CTTNBP2: variants seen among roughly 807,000 people sequenced by gnomAD.
CTTNBP2 encodes cortactin binding protein 2, also known as cortactin-binding protein 2.
Under a neutral mutation model 156.9 loss-of-function variants are expected in CTTNBP2, and 108 were observed. The observed-to-expected ratio is 0.69, with a 90% CI of 0.59 to 0.81. CTTNBP2 has a LOEUF of 0.81. CTTNBP2 is among the 30% of genes least tolerant of loss of function. The pLI is 0.00. For synonymous variants in CTTNBP2, 767 were observed against 751.8 expected, an observed-to-expected ratio of 1.02 and a Z score of -0.33; for missense variants, 1,924 against 2,035.4, an observed-to-expected ratio of 0.95 and a Z score of 1.05.
intron 2 of CTTNBP2, among the ~76,000 whole-genome samples, chr7:117,815,907 G>A (rs1800548127): frequency 6.6e-6 from 1 of 152,068 alleles, no homozygotes; most frequent in Non-Finnish European, 1.5e-5. Flanking sequence ...CTTTTAAGTG[G>A]GGGTACTTGT....
chr7:117,713,062 T>C lies in CTTNBP2; in HGVS notation c.4747-1280A>G, dbSNP rs543306051. ...ATAGTAGTACAAACCCTCTTGTGAATTGTGCAAGTGAGGGGTCTAGGTTGC... is the reference window on the plus strand; with the variant it reads ...ATAGTAGTACAAACCCTCTTGTGAACTGTGCAAGTGAGGGGTCTAGGTTGC... On this transcript the variant is annotated intron_variant, in intron 22 of 22. Transcript: ENST00000160373. 3.3e-5 allele frequency among the ~76,000 whole-genome samples: 5 copies of C among 152,270 alleles called. No homozygotes were observed. In the East Asian group the frequency reaches 5.8e-4, roughly 18 times the overall value.
intron 21 of CTTNBP2, among the ~76,000 whole-genome samples, 182 bp from the exon 22 acceptor site, chr7:117,718,301 A>ATGCATGAGAAACATCCTCT (rs1794574645): frequency 1.3e-5 from 2 of 152,202 alleles, no homozygotes; most frequent in Admixed American, 1.3e-4. Flanking sequence ...CTGACAGCAA[A>ATGCATGAGAAACATCCTCT]TGCATGAGAA....
intron 10 of CTTNBP2, among the ~76,000 whole-genome samples, chr7:117,759,417 T>C (rs942507736): frequency 1.3e-5 from 2 of 152,124 alleles, no homozygotes. Context: ...CAGCCAATAA[T>C]AGTAATTTTA....
intron 7 of CTTNBP2, among the ~76,000 whole-genome samples, chr7:117,779,567 G>A (rs1435518699): frequency 6.6e-6 from 1 of 151,736 alleles, no homozygotes; most frequent in Non-Finnish European, 1.5e-5. Context: ...ATTTTATACT[G>A]AATGTGTGTA....
chr7:117,852,056 C>T (rs939881194), intron 2 of CTTNBP2, among the ~76,000 whole-genome samples: 1 of 152,150 alleles, frequency 6.6e-6, no homozygotes, highest in African/African-American at 2.4e-5. Context: ...AGGCCAATGA[C>T]ACATCCGCAT....
At chr7:117,727,836 T>C (rs566136942) in intron 17 of CTTNBP2, among the ~76,000 whole-genome samples, 2 of 152,300 alleles carry the variant, frequency 1.3e-5, no homozygotes, top group South Asian at 2.1e-4. Context: ...AGACTCTGCA[T>C]AGCAAGCCAA....
At chr7:117,842,534 AG>A (rs2117142292) in intron 2 of CTTNBP2, among the ~76,000 whole-genome samples, 1 of 152,290 alleles carries the variant, frequency 6.6e-6, no homozygotes, top group East Asian at 1.9e-4. Flanking sequence ...AAAGAAAAAA[AG>A]AACCATCACA....
At chr7:117,865,521 A>C (rs1804116900) in intron 1 of CTTNBP2, among the ~76,000 whole-genome samples, 1 of 151,264 alleles carries the variant, frequency 6.6e-6, no homozygotes, top group Non-Finnish European at 1.5e-5. Context: ...AAAAAAAGAA[A>C]AAAAATTAGC....
At chr7:117,759,884 C>A (rs748828604) in intron 10 of CTTNBP2, among the ~76,000 whole-genome samples, 6 of 152,206 alleles carry the variant, frequency 3.9e-5, no homozygotes, top group Non-Finnish European at 7.3e-5. Flanking sequence ...TTACTATGCT[C>A]AGCAGAAAGC....
chr7:117,802,647 G>T (rs2116923217), intron 3 of CTTNBP2, among the ~76,000 whole-genome samples: 1 of 152,058 alleles, frequency 6.6e-6, no homozygotes, highest in South Asian at 2.1e-4. Context: ...ATCTGACAAA[G>T]GTCTAACATC....
At chr7:117,767,214 T>A (rs1413171624) in intron 8 of CTTNBP2, 38 bp from the exon 9 acceptor site, 1 of 1,087,918 alleles carries the variant, frequency 9.2e-7, no homozygotes, top group Non-Finnish European at 1.4e-6. Flanking sequence ...CAAGTCCAAA[T>A]GAATTAACTT....
At chr7:117,873,272 C>T in intron 1 of CTTNBP2, 63 bp downstream of exon 1, 1 of 1,229,326 alleles carries the variant, frequency 8.1e-7, no homozygotes, top group East Asian at 3.2e-5. Context: ...CCGGCTGGGA[C>T]CCCGGCGCCG....
chr7:117,788,671 T>G (rs546879697), intron 4 of CTTNBP2, among the ~76,000 whole-genome samples: 163 of 152,326 alleles, frequency 1.1e-3, no homozygotes, highest in Non-Finnish European at 1.0e-3. Context: ...CTATCTTATT[T>G]GGAAAGATCA....
chr7:117,802,446 AAAAAAAAAAAAC>A lies in CTTNBP2; in HGVS notation c.414+8307_414+8318del, dbSNP rs1481808362. Among the ~76,000 whole-genome samples the A allele has an allele frequency of 7.8e-4, 112 of 142,962 alleles. 1 individual carries two copies. Among genetic ancestry groups the A allele is most frequent in the African/African-American group, 2.8e-3 (106 of 38,146 alleles). The allele number at this position is 142,962 out of a possible 152,430, so 93.8% of individuals were successfully genotyped here. A position where few individuals can be genotyped will look rare whatever the true frequency, so the allele number is the denominator to read the frequency against. Reference sequence around the variant, plus strand: ...TAGACTTCAGCATTGGCAAAAAAAAAAAAAAAAAAAACAAAAACAAACAAACAAAAAAACAAA... The same window carrying A: ...TAGACTTCAGCATTGGCAAAAAAAAAAAAAACAAACAAACAAAAAAACAAA... On this transcript the variant is annotated intron_variant, in intron 3 of 22. Coordinates refer to ENST00000160373, the MANE Select transcript of CTTNBP2 (RefSeq NM_033427.3).
At chr7:117,842,174 A>AT (rs2117140061) in intron 2 of CTTNBP2, among the ~76,000 whole-genome samples, 1 of 152,284 alleles carries the variant, frequency 6.6e-6, no homozygotes, top group South Asian at 2.1e-4. Flanking sequence ...TTTCTACTCA[A>AT]TTTTTCTATA....
At chr7:117,759,778 A>C (rs187840730) in intron 10 of CTTNBP2, among the ~76,000 whole-genome samples, 1 of 152,218 alleles carries the variant, frequency 6.6e-6, no homozygotes, top group Non-Finnish European at 1.5e-5. Flanking sequence ...AGCACCCAAT[A>C]CAGTCCTTGC....
At chr7:117,758,210 T>C in intron 10 of CTTNBP2, 1 of 485,440 alleles carries the variant, frequency 2.1e-6, no homozygotes, top group Non-Finnish European at 3.6e-6. Context: ...ATAGGAGGGA[T>C]TCAGGGAGAG....
chr7:117,819,783 C>T (rs1189664502), intron 2 of CTTNBP2, among the ~76,000 whole-genome samples: 2 of 152,188 alleles, frequency 1.3e-5, no homozygotes, highest in East Asian at 3.8e-4. Context: ...CTACAATGTC[C>T]TACCTGCTCA....
chr7:117,871,978 T>C, intron 1 of CTTNBP2: 1 of 985,338 alleles, frequency 1.0e-6, no homozygotes, highest in Non-Finnish European at 1.2e-6. Flanking sequence ...CTAGTTTCCT[T>C]ACTGTGCCCC....
Sources: gnomAD v4.1 joint callset for allele counts (sites outside exome capture counted in the v4.1 genomes callset) on GRCh38, gnomAD v4.1.1 for gene constraint, MANE v1.5 for transcripts, NCBI Gene and HGNC (gene_info 2026-07-23, HGNC 2026-07-21) for gene names.